KCNIP4: variants seen among roughly 807,000 people sequenced by gnomAD.
KCNIP4 encodes the protein Kv channel-interacting protein 4.
Under a neutral mutation model 34.0 loss-of-function variants are expected in KCNIP4, and 12 were observed. The observed-to-expected ratio is 0.35, with a 90% CI of 0.23 to 0.57. KCNIP4 has a LOEUF of 0.57. Among genes scored for constraint, KCNIP4 ranks in the 20% least tolerant of loss-of-function variants. The pLI, the probability that KCNIP4 is intolerant of heterozygous loss-of-function variation, is 0.83. For synonymous variants in KCNIP4, 124 were observed against 102.2 expected (o/e 1.21, Z -1.29); for missense variants, 238 against 311.7 (o/e 0.76, Z 1.78).
chr4:21,201,708 C>A (rs978940913), intron 1 of KCNIP4, among the ~76,000 whole-genome samples: 8 of 152,170 alleles, frequency 5.3e-5, no homozygotes, highest in African/African-American at 1.9e-4. Context: ...CCATGTTAGC[C>A]AGGAAGGTTT....
In KCNIP4 at chr4:21,252,041, A is replaced by G. The variant is rs185053271; in HGVS notation, c.62-369332T>C. ...ATAATAATAAAAGAAATATAATGGGAAAAAAAACATAACTGAGATGTTTTG... is the reference window on the plus strand; with the variant it reads ...ATAATAATAAAAGAAATATAATGGGGAAAAAAACATAACTGAGATGTTTTG... On this transcript the variant is annotated intron_variant, in intron 1 of 8. Coordinates refer to ENST00000382152, the MANE Select transcript of KCNIP4 (RefSeq NM_025221.6). 1.7e-3 allele frequency among the ~76,000 whole-genome samples: 261 copies of G among 151,378 alleles called. 1 individual carries two copies. Among genetic ancestry groups the G allele is most frequent in the Non-Finnish European group, 2.1e-3 (144 of 67,838 alleles).
chr4:21,886,124 G>C (rs1726749069), intron 1 of KCNIP4, among the ~76,000 whole-genome samples: 1 of 152,126 alleles, frequency 6.6e-6, no homozygotes, highest in Non-Finnish European at 1.5e-5. Context: ...GAATGAATGA[G>C]ATTCATGCAG....
intron 1 of KCNIP4, among the ~76,000 whole-genome samples, chr4:21,516,465 A>C (rs541283224): frequency 6.6e-6 from 1 of 152,302 alleles, no homozygotes; most frequent in South Asian, 2.1e-4. Context: ...CAGGAGAGAC[A>C]AGATTGGTGG....
intron 3 of KCNIP4, among the ~76,000 whole-genome samples, chr4:20,819,506 A>G (rs1716841478): frequency 6.6e-6 from 1 of 152,202 alleles, no homozygotes; most frequent in African/African-American, 2.4e-5. Flanking sequence ...ACTTGGAATA[A>G]TAAAAGGAGT....
chr4:21,245,057 G>C (rs1157865069), intron 1 of KCNIP4, among the ~76,000 whole-genome samples: 1 of 152,172 alleles, frequency 6.6e-6, no homozygotes, highest in African/African-American at 2.4e-5. Context: ...CAGGGCATGG[G>C]TTTTAGTGTG....
rs147834958 is a variant in KCNIP4 at position 20,959,913 on chromosome 4, A to G, written c.62-77204T>C. Among the ~76,000 whole-genome samples, 355 of 152,350 alleles carry G rather than the reference A, an allele frequency of 2.3e-3. 3 individuals carry two copies. Among genetic ancestry groups the G allele is most frequent in the African/African-American group, 8.1e-3 (337 of 41,586 alleles). On this transcript the variant is annotated intron_variant, in intron 1 of 8. Coordinates refer to ENST00000382152, the MANE Select transcript of KCNIP4 (RefSeq NM_025221.6). ...CTTTGAATTATTGTAAGGATTAAAC[A>G]AGATAATAAAATACAAAGTGCTTTG... is the stretch of plus-strand genomic sequence containing the variant.
chr4:20,925,921 TACA>T (rs994445535), intron 1 of KCNIP4, among the ~76,000 whole-genome samples: 1 of 152,204 alleles, frequency 6.6e-6, no homozygotes, highest in Non-Finnish European at 1.5e-5. Flanking sequence ...AACAAATTGT[TACA>T]ACACCTTGAA....
chr4:21,638,128 A>G (rs1425840355), intron 1 of KCNIP4, among the ~76,000 whole-genome samples: 1 of 152,214 alleles, frequency 6.6e-6, no homozygotes, highest in Non-Finnish European at 1.5e-5. Context: ...GTTTACTTCA[A>G]TTGCTGAAGG....
At chr4:20,763,023 C>A (rs1383880219) in intron 3 of KCNIP4, among the ~76,000 whole-genome samples, 3 of 152,110 alleles carry the variant, frequency 2.0e-5, no homozygotes, top group African/African-American at 4.8e-5. Flanking sequence ...TGAGAACTCA[C>A]CCACTTATCA....
intron 3 of KCNIP4, among the ~76,000 whole-genome samples, chr4:20,771,237 T>A (rs1352046182): frequency 1.3e-5 from 2 of 152,186 alleles, no homozygotes; most frequent in Non-Finnish European, 2.9e-5. Context: ...AAAGCCTTTT[T>A]ATTCCCTGAA....
chr4:21,778,962 G>A (rs2109208331), intron 1 of KCNIP4, among the ~76,000 whole-genome samples: 1 of 152,074 alleles, frequency 6.6e-6, no homozygotes, highest in African/African-American at 2.4e-5. Flanking sequence ...GTTACTGTGA[G>A]CTTTTAAAGT....
chr4:20,878,470 T>C (rs1183998954), intron 2 of KCNIP4, among the ~76,000 whole-genome samples: 3 of 152,172 alleles, frequency 2.0e-5, no homozygotes, highest in East Asian at 3.9e-4. Flanking sequence ...CCTGCATATA[T>C]TCCCTTTCCA....
intron 1 of KCNIP4, among the ~76,000 whole-genome samples, chr4:21,620,869 C>T (rs1030425779): frequency 2.6e-5 from 4 of 152,164 alleles, no homozygotes; most frequent in African/African-American, 9.7e-5. Context: ...TCTTTCAGTA[C>T]AGCCTTCTGA....
chr4:20,994,652 G>C (rs1408876159), intron 1 of KCNIP4, among the ~76,000 whole-genome samples: 1 of 152,190 alleles, frequency 6.6e-6, no homozygotes, highest in East Asian at 1.9e-4. Context: ...GAACTGGGAT[G>C]TGTTCTTCCC....
intron 1 of KCNIP4, among the ~76,000 whole-genome samples, chr4:21,612,156 TAA>T: frequency 6.6e-6 from 1 of 152,170 alleles, no homozygotes; most frequent in African/African-American, 2.4e-5. Context: ...TGATTTTTTT[TAA>T]AAAAAGGAGG....
intron 1 of KCNIP4, among the ~76,000 whole-genome samples, chr4:21,297,704 T>C (rs1763921143): frequency 6.6e-6 from 1 of 152,096 alleles, no homozygotes; most frequent in Admixed American, 6.6e-5. Context: ...AGAGCTACAA[T>C]TATGTAAATT....
At chr4:21,303,907 G>A (rs757019833) in intron 1 of KCNIP4, 5 of 1,613,914 alleles carry the variant, frequency 3.1e-6, no homozygotes, top group Non-Finnish European at 3.4e-6. Context: ...CCAAGTTCAT[G>A]GTCAGCTAGG....
At chr4:21,854,420 C>CT (rs552808447) in intron 1 of KCNIP4, among the ~76,000 whole-genome samples, 3 of 152,208 alleles carry the variant, frequency 2.0e-5, no homozygotes, top group South Asian at 4.1e-4. Flanking sequence ...AGAGTTTTTA[C>CT]TTTTTTTTCC....
intron 1 of KCNIP4, among the ~76,000 whole-genome samples, chr4:21,297,593 C>A (rs1763914381): frequency 6.6e-6 from 1 of 151,956 alleles, no homozygotes; most frequent in African/African-American, 2.4e-5. Flanking sequence ...ATTTTTAGTT[C>A]ATTTCGTCTC....
Sources: allele counts gnomAD v4.1 joint callset (sites outside exome capture counted in the v4.1 genomes callset), GRCh38; gene constraint gnomAD v4.1.1; transcripts MANE v1.5; gene names NCBI Gene and HGNC (gene_info 2026-07-23, HGNC 2026-07-21).